Variants in COL21A1 observed in about 807,000 individuals in gnomAD.
COL21A1 encodes the protein collagen alpha-1(XXI) chain.
Under a neutral mutation model 137.9 loss-of-function variants are expected in COL21A1, and 149 were observed. The ratio of observed to expected loss-of-function variants is 1.08; its 90% confidence interval spans 0.95 to 1.24. The LOEUF is 1.24. Ranked by LOEUF, COL21A1 falls within the 50% of genes most tolerant of loss-of-function variation. The pLI, the probability that COL21A1 is intolerant of heterozygous loss-of-function variation, is 0.00. For synonymous variants in COL21A1, 456 were observed against 391.5 expected (o/e 1.16, Z -1.95); for missense variants, 1,167 against 1,158.4 (o/e 1.01, Z -0.11).
chr6:56,181,749 A>G (rs1229052787), intron 2 of COL21A1, among the ~76,000 whole-genome samples: 2 of 152,176 alleles, frequency 1.3e-5, no homozygotes, highest in African/African-American at 2.4e-5. Flanking sequence ...GAGCAAAAAC[A>G]TGGTTCAAAT....
chr6:56,314,200 A>G (rs192161204), intron 1 of COL21A1, among the ~76,000 whole-genome samples: 1,748 of 152,070 alleles, frequency 0.011, 34 homozygotes, highest in African/African-American at 0.039. Flanking sequence ...GGTCAGGATG[A>G]TCTCCATCTC....
intron 1 of COL21A1, among the ~76,000 whole-genome samples, chr6:56,253,649 T>C (rs909393012): frequency 2.0e-5 from 3 of 152,140 alleles, no homozygotes; most frequent in African/African-American, 7.2e-5. Context: ...TTGAATTGAG[T>C]CTCTGTCGCT....
intron 1 of COL21A1, among the ~76,000 whole-genome samples, chr6:56,255,987 G>A (rs1158543838): frequency 6.6e-6 from 1 of 152,176 alleles, no homozygotes; most frequent in Non-Finnish European, 1.5e-5. Context: ...GGTTCTCAGT[G>A]ATTGCTGAAG....
chr6:56,143,732 G>A lies in COL21A1; in HGVS notation c.1435-1749C>T, dbSNP rs149863133. On this transcript the variant is annotated intron_variant, in intron 10 of 29. Transcript: ENST00000244728. The stretch of plus-strand genomic sequence containing the variant: ...CATTTTTCCAACCCATCATCTGTTC[G>A]CTAGACTAGCACTCTCTCCGTCACT... 3.8e-4 allele frequency among the ~76,000 whole-genome samples: 58 copies of A among 152,098 alleles called. No homozygotes were observed. In the East Asian group the frequency reaches 6.8e-3, roughly 18 times the overall value.
At chr6:56,127,460 G>A (rs1773137873) in intron 12 of COL21A1, among the ~76,000 whole-genome samples, 2 of 151,934 alleles carry the variant, frequency 1.3e-5, no homozygotes, top group Admixed American at 1.3e-4. Context: ...TCCTAGACCT[G>A]TCTCATTTCA....
At chr6:56,325,412 TTA>T (rs367597231) in intron 1 of COL21A1, among the ~76,000 whole-genome samples, 23 of 394 alleles carry the variant, frequency 0.058, 11 homozygotes, top group African/African-American at 0.061. Flanking sequence ...ATTATATATA[TTA>T]TATATTATAT....
At chr6:56,106,912 C>CTCCG (rs1770971341) in intron 16 of COL21A1, among the ~76,000 whole-genome samples, 1 of 151,884 alleles carries the variant, frequency 6.6e-6, no homozygotes, top group Non-Finnish European at 1.5e-5. Context: ...TCAGCCTCCT[C>CTCCG]AGTAGCTGGG....
intron 1 of COL21A1, among the ~76,000 whole-genome samples, chr6:56,373,252 T>C (rs2152350602): frequency 6.6e-6 from 1 of 152,346 alleles, no homozygotes; most frequent in South Asian, 2.1e-4. Flanking sequence ...CTGGCCACCC[T>C]AGGGATTCCA....
rs1404017384 is a variant in COL21A1, at chr6:56,281,329, A to G, written c.-38-98673T>C. Among the ~76,000 whole-genome samples the G allele has an allele frequency of 2.6e-5, 4 of 152,292 alleles. No homozygotes were observed. The East Asian group carries it at 7.7e-4, about 29-fold the overall frequency. ...AAGTTAGAGTTTACAATGCCATTTCACATTTAAGTCATAAATAGTAAAAAC... is the reference window on the plus strand; with the variant it reads ...AAGTTAGAGTTTACAATGCCATTTCGCATTTAAGTCATAAATAGTAAAAAC... On this transcript the variant is annotated intron_variant, in intron 1 of 28. Coordinates refer to the COL21A1 transcript ENST00000370819.
At chr6:56,174,101 A>G (rs1184985109) in intron 3 of COL21A1, among the ~76,000 whole-genome samples, 4 of 152,188 alleles carry the variant, frequency 2.6e-5, no homozygotes, top group African/African-American at 4.8e-5. Context: ...CAGGTCAAAG[A>G]AGAAATCAGA....
chr6:56,391,086 A>C (rs912724919), intron 1 of COL21A1, among the ~76,000 whole-genome samples: 4 of 152,198 alleles, frequency 2.6e-5, no homozygotes, highest in Non-Finnish European at 2.9e-5. Context: ...AACAAGTCCC[A>C]AAAAATTCAG....
intron 16 of COL21A1, among the ~76,000 whole-genome samples, chr6:56,114,272 G>A (rs1263103124): frequency 1.3e-5 from 2 of 152,192 alleles, no homozygotes; most frequent in Non-Finnish European, 2.9e-5. Context: ...CCAGTGCTGT[G>A]CTGGCTTCAG....
intron 17 of COL21A1, among the ~76,000 whole-genome samples, chr6:56,097,928 A>T (rs1450275311): frequency 1.1e-5 from 1 of 90,464 alleles, no homozygotes; most frequent in Non-Finnish European, 2.0e-5. Context: ...TAAATATATA[A>T]ATATATAAAA....
At chr6:56,081,016 A>C (rs1229866951) in intron 17 of COL21A1, among the ~76,000 whole-genome samples, 1 of 151,804 alleles carries the variant, frequency 6.6e-6, no homozygotes, top group Non-Finnish European at 1.5e-5. Context: ...TCTGAATCCC[A>C]GTTTTCTTTG....
intron 1 of COL21A1, among the ~76,000 whole-genome samples, chr6:56,218,104 T>C (rs778212557): frequency 2.6e-5 from 4 of 152,150 alleles, no homozygotes; most frequent in Non-Finnish European, 5.9e-5. Context: ...AAATACAATT[T>C]AGTACCCTCT....
chr6:56,107,980 A>G (rs549691260), intron 16 of COL21A1, among the ~76,000 whole-genome samples: 2 of 152,186 alleles, frequency 1.3e-5, no homozygotes, highest in South Asian at 4.1e-4. Flanking sequence ...ATTTCCACAT[A>G]GATAATAGGG....
At chr6:56,180,488 T>A (rs775896242) in intron 2 of COL21A1, among the ~76,000 whole-genome samples, 2 of 152,214 alleles carry the variant, frequency 1.3e-5, no homozygotes, top group Non-Finnish European at 2.9e-5. Flanking sequence ...ATTCAGTGAA[T>A]AATGTCAGAG....
intron 1 of COL21A1, among the ~76,000 whole-genome samples, chr6:56,277,169 A>C (rs2152333391): frequency 6.6e-6 from 1 of 152,004 alleles, no homozygotes; most frequent in Non-Finnish European, 1.5e-5. Context: ...TTATACTTTA[A>C]GTTCTAGGGT....
At chr6:56,307,686 C>T (rs1237260008) in intron 1 of COL21A1, among the ~76,000 whole-genome samples, 1 of 152,156 alleles carries the variant, frequency 6.6e-6, no homozygotes, top group Non-Finnish European at 1.5e-5. Context: ...GAGGCAATGC[C>T]TCGCCCTGCT....
Sources: gnomAD v4.1 joint callset for allele counts (sites outside exome capture counted in the v4.1 genomes callset) on GRCh38, gnomAD v4.1.1 for gene constraint, MANE v1.5 for transcripts, NCBI Gene and HGNC (gene_info 2026-07-23, HGNC 2026-07-21) for gene names.